The following CCDC187 variants were observed in gnomAD, a reference collection of about 807,000 sequenced individuals.
CCDC187 encodes coiled-coil domain containing 187.
In CCDC187, 32 loss-of-function variants were observed where a neutral mutation model predicts 38.0. The observed-to-expected ratio is 0.84, with a 90% CI of 0.64 to 1.13. The LOEUF (loss-of-function observed/expected upper bound fraction) is 1.13, where lower values mean the gene tolerates loss of function less well. Ranked by LOEUF, CCDC187 falls within the 50% of genes most tolerant of loss-of-function variation. The pLI is 0.00. For missense variants in CCDC187, 707 were observed against 786.8 expected (o/e 0.90, Z 1.21); for synonymous variants, 333 against 347.9 (o/e 0.96, Z 0.48).
rs1262619226 is a variant in CCDC187 at position 136,266,045 on chromosome 9, T to C, written c.3648-2A>G. 2 of 985,330 alleles carry C rather than the reference T, an allele frequency of 2.0e-6. No homozygotes were observed. Among genetic ancestry groups the C allele is most frequent in the Non-Finnish European group, 2.4e-6 (2 of 829,944 alleles). 61.0% of individuals were successfully genotyped at this position (985,330 alleles called of 1,614,324 possible). A position where few individuals can be genotyped will look rare whatever the true frequency, so the allele number is the denominator to read the frequency against. Reference sequence around the variant, plus strand: ...CTGTCCCTCTTGCTGTCCAGGCACCTGGGGGGAGGTGGCAACATCACTGCC... The same window carrying C: ...CTGTCCCTCTTGCTGTCCAGGCACCCGGGGGGAGGTGGCAACATCACTGCC... On this transcript the variant is annotated splice_acceptor_variant, in intron 16 of 25. Coordinates refer to ENST00000638797, the MANE Select transcript of CCDC187 (RefSeq NM_001378188.1). LOFTEE classifies it high-confidence loss of function.
rs901215225 is a variant in CCDC187, at chr9:136,263,755, C to T, written c.3779G>A (p.Arg1260Gln). Residue 1260 changes from arginine (R) to glutamine (Q), a missense_variant, in exon 18 of 26, where the codon CGG becomes CAG. Physicochemically the swap from Arg to Gln is conservative, Grantham distance 43 (BLOSUM62 1). Coordinates refer to ENST00000638797, the MANE Select transcript of CCDC187 (RefSeq NM_001378188.1). ...ATGCTGCAGAAGCAGCTTCCTGTCCCGGTGCCTGAACAGCTGCGTGTGTCT... is the reference window on the plus strand; with the variant it reads ...ATGCTGCAGAAGCAGCTTCCTGTCCTGGTGCCTGAACAGCTGCGTGTGTCT... ...YLRHTQLFRHRDRKLLLQHQR... is the reference protein window; with the variant it reads ...YLRHTQLFRHQDRKLLLQHQR... 2.4e-5 allele frequency: 24 copies of T among 985,366 alleles called. No individual in the cohort carries two copies. The highest frequency in any genetic ancestry group is 9.4e-5 in the South Asian group (2 of 21,290). The allele number at this position is 985,366 out of a possible 1,614,324, so 61.0% of individuals were successfully genotyped here.
At chr9:136,263,952 G>T in intron 17 of CCDC187, 154 bp from the exon 18 acceptor site, 5 of 406,658 alleles carry the variant, frequency 1.2e-5, no homozygotes, top group Non-Finnish European at 1.3e-5. Flanking sequence ...CCCTCCTGCC[G>T]GGCCTAGGAT....
chr9:136,259,790 G>A (rs1466207462), intron 20 of CCDC187, among the ~76,000 whole-genome samples: 2 of 152,170 alleles, frequency 1.3e-5, no homozygotes, highest in African/African-American at 4.8e-5. Flanking sequence ...AGGGCTGCAC[G>A]TGGCCCAGGG....
Position 136,267,496 on chromosome 9 carries a change from G to T in CCDC187, c.3535C>A (p.Leu1179Met), listed in dbSNP as rs1184052637. 11 of 985,598 alleles carry T rather than the reference G, an allele frequency of 1.1e-5. No homozygotes were observed. Among genetic ancestry groups the T allele is most frequent in the Non-Finnish European group, 1.3e-5 (11 of 830,120 alleles). The allele number at this position is 985,598 out of a possible 1,614,324, so 61.1% of individuals were successfully genotyped here. A position where few individuals can be genotyped will look rare whatever the true frequency, so the allele number is the denominator to read the frequency against. The change falls in exon 16 of 26, where the codon CTG becomes ATG. Residue 1179 changes from leucine to methionine, a missense_variant. Transcript: ENST00000638797. Reference protein sequence around the residue: ...NPTHQMLERSLREEELRAQHQ... With the variant: ...NPTHQMLERSMREEELRAQHQ... ...TGTGCTCGCAGCTCCTCCTCCCGCA[G>T]GCTCCGCTCCAGCATCTGCAGCTTG...
rs1051546991 is a variant in CCDC187 at position 136,264,897 on chromosome 9, A to G, written c.3735+1059T>C. 6.6e-6 allele frequency among the ~76,000 whole-genome samples: 1 copy of G among 152,118 alleles called. No individual in the cohort carries two copies. The highest frequency in any genetic ancestry group is 1.9e-4 in the East Asian group (1 of 5,196). On this transcript the variant is annotated intron_variant, in intron 17 of 25. Coordinates refer to ENST00000638797, the MANE Select transcript of CCDC187 (RefSeq NM_001378188.1). The surrounding 1 kb of genome is among the most constrained non-coding windows in gnomAD (Gnocchi z 4.3). ...CAGTCCACCAAATAGCTGGGACTAT[A>G]GGCATTGGCCACCTATAGTGGCAGA...
intron 10 of CCDC187, among the ~76,000 whole-genome samples, chr9:136,277,899 T>G (rs1368453040): frequency 2.6e-5 from 4 of 152,174 alleles, no homozygotes; most frequent in Non-Finnish European, 4.4e-5. Flanking sequence ...TCCAGTGGAC[T>G]GCTCGCCTTC....
Position 136,258,867 on chromosome 9 carries a change from T to C in CCDC187, c.4366+65A>G, listed in dbSNP as rs979777938. On this transcript the variant is annotated intron_variant, in intron 22 of 25. Coordinates refer to ENST00000638797, the MANE Select transcript of CCDC187 (RefSeq NM_001378188.1). This position sits in a 1 kb window ranked among gnomAD's most constrained non-coding sequence, Gnocchi z 4.3. ...GGCTGAGCTCCAGCCTCGGACAGGCTCTGCTGGATGTGGGGGAAGTGTCTG... is the reference window on the plus strand; with the variant it reads ...GGCTGAGCTCCAGCCTCGGACAGGCCCTGCTGGATGTGGGGGAAGTGTCTG... The C allele has an allele frequency of 2.0e-6, 2 of 985,518 alleles. No individual in the cohort carries two copies. Among genetic ancestry groups the C allele is most frequent in the Non-Finnish European group, 2.4e-6 (2 of 830,016 alleles). 61.0% of individuals were successfully genotyped at this position (985,518 alleles called of 1,614,324 possible). A position where few individuals can be genotyped will look rare whatever the true frequency, so the allele number is the denominator to read the frequency against.
chr9:136,286,739 C>T, intron 7 of CCDC187, 44 bp from the exon 8 acceptor site: 1 of 398,632 alleles, frequency 2.5e-6, no homozygotes, highest in Non-Finnish European at 4.4e-6. Context: ...GGCTCGGTCG[C>T]CCCAGCAGGG....
At chr9:136,293,820 ACACT>A (rs1225371778) in intron 4 of CCDC187, among the ~76,000 whole-genome samples, 19 of 150,962 alleles carry the variant, frequency 1.3e-4, no homozygotes, top group Non-Finnish European at 1.6e-4. Flanking sequence ...ACATGCTCTC[ACACT>A]CACACTACCA....
At chr9:136,297,843 A>AAGGG (rs1321986390) in intron 3 of CCDC187, 22 bp from the exon 4 acceptor site, 8 of 375,250 alleles carry the variant, frequency 2.1e-5, no homozygotes, top group East Asian at 1.1e-4. Context: ...AAGAGAAAGG[A>AAGGG]AGGGAGGGAG....
chr9:136,293,928 C>T (rs1387486248), intron 4 of CCDC187, among the ~76,000 whole-genome samples: 1 of 144,136 alleles, frequency 6.9e-6, no homozygotes, highest in African/African-American at 2.6e-5. Flanking sequence ...ATACACACTC[C>T]CTCGTGCTCT....
Position 136,254,749 on chromosome 9 carries a change from G to A in CCDC187, c.5079C>T (p.Gly1693=). ...CCCATCCTCCACCCCCAGGAGCACTGCCTGGCCGAGGCTCACCCTGGTTTG... is the reference window on the plus strand; with the variant it reads ...CCCATCCTCCACCCCCAGGAGCACTACCTGGCCGAGGCTCACCCTGGTTTG... The part of the protein sequence containing the change: ...WRSNQGEPRP[G]SAPGGGGWVT... Residue 1693 remains glycine, a synonymous_variant, in exon 26 of 26, where the codon GGC becomes GGT. Coordinates refer to ENST00000638797, the MANE Select transcript of CCDC187 (RefSeq NM_001378188.1). 1.8e-5 allele frequency: 18 copies of A among 985,552 alleles called. No individual in the cohort carries two copies. Among genetic ancestry groups the A allele is most frequent in the Non-Finnish European group, 1.9e-5 (16 of 830,004 alleles). The allele number at this position is 985,552 out of a possible 1,614,324, so 61.1% of individuals were successfully genotyped here. A position where few individuals can be genotyped will look rare whatever the true frequency, so the allele number is the denominator to read the frequency against.
In CCDC187 at chr9:136,267,493, G is replaced by T. The variant is rs1001996110; in HGVS notation, c.3538C>A (p.Arg1180=). The change falls in exon 16 of 26, where the codon CGG becomes AGG. Residue 1180 remains arginine (R), a synonymous_variant. Coordinates refer to ENST00000638797, the MANE Select transcript of CCDC187 (RefSeq NM_001378188.1). ...PTHQMLERSL[R]EEELRAQHQA... ...TGCTGTGCTCGCAGCTCCTCCTCCC[G>T]CAGGCTCCGCTCCAGCATCTGCAGC... The T allele has an allele frequency of 3.0e-5, 30 of 985,568 alleles. No individual in the cohort carries two copies. The African/African-American group carries it at 5.2e-4, about 17-fold the overall frequency. The allele number at this position is 985,568 out of a possible 1,614,324, so 61.1% of individuals were successfully genotyped here.
rs1830543326 is a variant in CCDC187 at position 136,251,893 on chromosome 9, C to G, written c.*1701G>C. ...CCCCGGGAAGGTCCAGGCGACCGTC[C>G]CGCGGAGCCGGCCGCCCACCTGGTC... On this transcript the variant is annotated 3_prime_UTR_variant, in exon 26 of 26. Transcript: ENST00000638797. 1.4e-5 allele frequency: 2 copies of G among 142,946 alleles called. No homozygotes were observed. The highest frequency in any genetic ancestry group is 6.9e-5 in the Admixed American group (1 of 14,416). 8.9% of individuals were successfully genotyped at this position (142,946 alleles called of 1,614,324 possible). A position where few individuals can be genotyped will look rare whatever the true frequency, so the allele number is the denominator to read the frequency against.
At chr9:136,255,915 T>TG (rs1830605859) in intron 24 of CCDC187, among the ~76,000 whole-genome samples, 182 bp from the exon 25 acceptor site, 1 of 152,138 alleles carries the variant, frequency 6.6e-6, no homozygotes, top group Admixed American at 6.5e-5. Context: ...GGCTTGTCTT[T>TG]GGGGGCATCC....
chr9:136,293,481 T>G (rs1405840254), intron 4 of CCDC187, among the ~76,000 whole-genome samples: 1 of 129,720 alleles, frequency 7.7e-6, no homozygotes, highest in Non-Finnish European at 1.6e-5. Flanking sequence ...GCTCACACAC[T>G]CACAAACACA....
At position 136,258,490 on chromosome 9, in the gene CCDC187, C is replaced by T. The variant is rs74431867; in HGVS notation, c.4366+442G>A. 0.025 allele frequency among the ~76,000 whole-genome samples: 3,768 copies of T among 152,094 alleles called. 242 individuals carry two copies. The highest frequency in any genetic ancestry group is 0.24 in the East Asian group (1,234 of 5,090). On this transcript the variant is annotated intron_variant, in intron 22 of 25. Transcript: ENST00000638797. This position sits in a 1 kb window ranked among gnomAD's most constrained non-coding sequence, Gnocchi z 4.3. ...GACGCACCACCAGGGTTCCCTGACA[C>T]TGTGAGTGCATCTGCTCCCGCCCCA...
At chr9:136,292,457 G>C (rs1280306544) in intron 4 of CCDC187, among the ~76,000 whole-genome samples, 162 bp from the exon 5 acceptor site, 2 of 152,330 alleles carry the variant, frequency 1.3e-5, no homozygotes, top group East Asian at 3.9e-4. Context: ...GTTGGGCAGA[G>C]CGGGACCCTC....
Position 136,267,418 on chromosome 9 carries a change from G to C in CCDC187, c.3613C>G (p.Leu1205Val). The change falls in exon 16 of 26, where the codon CTC becomes GTC. Residue 1205 changes from leucine (L) to valine (V), a missense_variant. Transcript: ENST00000638797. The part of the protein sequence containing the change: ...LREMALQEKT[L>V]AELAWLEHRR... The stretch of plus-strand genomic sequence containing the variant: ...TGCTCCAGCCAGGCCAGCTCCGCGA[G>C]CGTTTTCTCCTGGAGCGCCATCTCT... 1.0e-6 allele frequency: 1 copy of C among 985,504 alleles called. No homozygotes were observed. The highest frequency in any genetic ancestry group is 1.2e-6 in the Non-Finnish European group (1 of 829,964). The allele number at this position is 985,504 out of a possible 1,614,324, so 61.0% of individuals were successfully genotyped here.
Sources: allele counts gnomAD v4.1 joint callset (sites outside exome capture counted in the v4.1 genomes callset), GRCh38; gene constraint gnomAD v4.1.1; non-coding constraint Gnocchi (gnomAD v3.1); transcripts MANE v1.5; gene names NCBI Gene and HGNC (gene_info 2026-07-23, HGNC 2026-07-21).